AGO2: variants seen among roughly 807,000 people sequenced by gnomAD.
The protein encoded by AGO2 is argonaute RISC catalytic component 2, also known as protein argonaute-2.
Under a neutral mutation model 102.3 loss-of-function variants are expected in AGO2, and 5 were observed. The ratio of observed to expected loss-of-function variants is 0.05; its 90% CI spans 0.03 to 0.10. The LOEUF is 0.10. Ranked by LOEUF, AGO2 falls within the 10% of genes least tolerant of loss-of-function variation. AGO2 has a pLI of 1.00. For synonymous variants in AGO2, 449 were observed against 473.1 expected (o/e 0.95, Z 0.66); for missense variants, 541 against 1,183.7 (o/e 0.46, Z 7.97).
chr8:140,639,650 G>A (rs1367912199), upstream of AGO2, among the ~76,000 whole-genome samples: 1 of 152,158 alleles, frequency 6.6e-6, no homozygotes, highest in East Asian at 1.9e-4. Context: ...GCACACATCT[G>A]TAGTCCCAGC....
At chr8:140,611,358 C>A (rs539061858) in intron 1 of AGO2, among the ~76,000 whole-genome samples, 13 of 151,070 alleles carry the variant, frequency 8.6e-5, no homozygotes, top group African/African-American at 3.2e-4. Context: ...TATGGAGACT[C>A]GCTCTGTTGC....
At position 140,540,996 on chromosome 8, in the gene AGO2, C is replaced by G. The variant is rs891508193; in HGVS notation, c.2034+168G>C. On this transcript the variant is annotated intron_variant, in intron 15 of 18. Transcript: ENST00000220592. The surrounding 1 kb of genome is among the most constrained non-coding windows in gnomAD (Gnocchi z 5.0). ...TCATGTGTTAGGGTCTCGACAGCCC[C>G]GTGTCCCATCTCCTCCCCTGGACCC... 2.0e-5 allele frequency among the ~76,000 whole-genome samples: 3 copies of G among 152,166 alleles called. No homozygotes were observed. Among genetic ancestry groups the G allele is most frequent in the African/African-American group, 7.2e-5 (3 of 41,440 alleles).
In AGO2 at chr8:140,607,986, C is replaced by A. The variant is rs575972896; in HGVS notation, c.23-22675G>T. The stretch of plus-strand genomic sequence containing the variant: ...CAATAATCAATGAATCTGCTCAGCA[C>A]TGAGCTCCTTTATGCTCCCCCTGGA... On this transcript the variant is annotated intron_variant, in intron 1 of 18. Transcript: ENST00000220592. Among the ~76,000 whole-genome samples, 10 of 152,340 alleles carry A rather than the reference C, an allele frequency of 6.6e-5. No individual in the cohort carries two copies. In the South Asian group the frequency reaches 2.1e-3, roughly 32 times the overall value.
rs1053018290 is a variant in AGO2 at position 140,585,295 on chromosome 8, C to G, written c.39G>C (p.Ala13=). ...CATATCCTTGGATGGGGGGCGGCGG[C>G]GCAGGAGGTGCAAGTGCTGGAATGG... is the stretch of plus-strand genomic sequence containing the variant. ...SGAGPALAPP[A]PPPPIQGYAF... The change falls in exon 2 of 19, where the codon GCG becomes GCC. Residue 13 remains alanine, a synonymous_variant. Coordinates refer to ENST00000220592, the MANE Select transcript of AGO2 (RefSeq NM_012154.5). 6.2e-7 allele frequency: 1 copy of G among 1,613,582 alleles called. No individual in the cohort carries two copies. The highest frequency in any genetic ancestry group is 1.1e-5 in the South Asian group (1 of 91,034).
chr8:140,534,295 A>C lies in AGO2; in HGVS notation c.2271+1173T>G, dbSNP rs148984605. ...CCCCCGTTAGAAAGATTTTGGGTAG[A>C]AAGTTCAGGGAGAAGAGTTTGCCCA... On this transcript the variant is annotated intron_variant, in intron 17 of 18. Coordinates refer to ENST00000220592, the MANE Select transcript of AGO2 (RefSeq NM_012154.5). Among the ~76,000 whole-genome samples, 92 of 152,326 alleles carry C rather than the reference A, an allele frequency of 6.0e-4. 1 individual carries two copies. The highest frequency in any genetic ancestry group is 2.1e-3 in the African/African-American group (88 of 41,568).
At chr8:140,537,171 C>T (rs1294618999) in intron 16 of AGO2, among the ~76,000 whole-genome samples, 2 of 152,078 alleles carry the variant, frequency 1.3e-5, no homozygotes, top group Non-Finnish European at 2.9e-5. Flanking sequence ...TGGCTTGAGA[C>T]TGAAGTTTGG....
In AGO2 at chr8:140,557,278, G is replaced by A; in HGVS notation, c.879-42C>T. ...CTGTTCAGGCCGAGGGCATCCCGGAGCCCCTTCCCCTGCGCTGCTTTTCAT... is the reference window on the plus strand; with the variant it reads ...CTGTTCAGGCCGAGGGCATCCCGGAACCCCTTCCCCTGCGCTGCTTTTCAT... On this transcript the variant is annotated intron_variant, in intron 7 of 18. Transcript: ENST00000220592. The surrounding 1 kb of genome is among the most constrained non-coding windows in gnomAD (Gnocchi z 5.9). The A allele has an allele frequency of 1.3e-6, 2 of 1,575,180 alleles. No homozygotes were observed. Among genetic ancestry groups the A allele is most frequent in the Non-Finnish European group, 8.6e-7 (1 of 1,159,236 alleles).
Position 140,589,807 on chromosome 8 carries a change from G to A in AGO2, c.23-4496C>T, listed in dbSNP as rs567258755. On this transcript the variant is annotated intron_variant, in intron 1 of 18. Transcript: ENST00000220592. The surrounding 1 kb of genome is among the most constrained non-coding windows in gnomAD (Gnocchi z 4.2). ...GAGATCCGTGCCATCAGCACGAGCC[G>A]CAGAACAGGACGGAGTGATGGCTCA... 3.9e-4 allele frequency among the ~76,000 whole-genome samples: 60 copies of A among 151,950 alleles called. 1 individual carries two copies. Among genetic ancestry groups the A allele is most frequent in the Non-Finnish European group, 1.3e-4 (9 of 67,984 alleles).
intron 17 of AGO2, 94 bp downstream of exon 17, chr8:140,535,374 T>A (rs2072678597): frequency 1.2e-4 from 146 of 1,180,976 alleles, no homozygotes; most frequent in East Asian, 2.7e-4. Context: ...TCACACCACA[T>A]CCCACGTGCC....
At chr8:140,606,724 G>A (rs1436138540) in intron 1 of AGO2, among the ~76,000 whole-genome samples, 1 of 152,046 alleles carries the variant, frequency 6.6e-6, no homozygotes, top group Non-Finnish European at 1.5e-5. Context: ...ATCACCCGAG[G>A]TCAGGAGTTG....
chr8:140,617,727 T>C (rs2074159418), intron 1 of AGO2, among the ~76,000 whole-genome samples: 1 of 152,134 alleles, frequency 6.6e-6, no homozygotes, highest in Non-Finnish European at 1.5e-5. Flanking sequence ...ACTTTAAAAA[T>C]TGTTGGATGC....
chr8:140,538,228 C>T (rs1242169520), intron 16 of AGO2, among the ~76,000 whole-genome samples: 1 of 152,220 alleles, frequency 6.6e-6, no homozygotes, highest in Non-Finnish European at 1.5e-5. Context: ...TGTCCTTGCA[C>T]AGCCGTGCCT....
chr8:140,552,409 C>G (rs962032976), intron 10 of AGO2, among the ~76,000 whole-genome samples: 15 of 152,174 alleles, frequency 9.9e-5, no homozygotes, highest in Non-Finnish European at 1.8e-4. Flanking sequence ...GGAAGGGTCC[C>G]GTGTGGGAGG....
At chr8:140,605,418 T>TA (rs1391275634) in intron 1 of AGO2, among the ~76,000 whole-genome samples, 1 of 151,908 alleles carries the variant, frequency 6.6e-6, no homozygotes, top group Non-Finnish European at 1.5e-5. Context: ...TTCTAAAGCT[T>TA]AAAAAAAATA....
At chr8:140,559,642 C>T (rs1471637110) in intron 5 of AGO2, 113 bp from the exon 6 acceptor site, 19 of 1,414,582 alleles carry the variant, frequency 1.3e-5, no homozygotes, top group Non-Finnish European at 1.4e-5. Flanking sequence ...GACACCCGGC[C>T]GGGGTTCTCA....
chr8:140,537,033 T>A (rs2072710606), intron 16 of AGO2, among the ~76,000 whole-genome samples: 1 of 152,238 alleles, frequency 6.6e-6, no homozygotes, highest in Non-Finnish European at 1.5e-5. Context: ...CTGAGTACTT[T>A]GTGATTTCTA....
Position 140,607,515 on chromosome 8 carries a change from TAC to T in AGO2, c.23-22206_23-22205del, listed in dbSNP as rs1159722896. 5.8e-4 allele frequency among the ~76,000 whole-genome samples: 11 copies of T among 18,922 alleles called. 1 individual carries two copies. Among genetic ancestry groups the T allele is most frequent in the South Asian group, 1.5e-3 (1 of 656 alleles). The allele number at this position is 18,922 out of a possible 152,430, so 12.4% of individuals were successfully genotyped here. A position where few individuals can be genotyped will look rare whatever the true frequency, so the allele number is the denominator to read the frequency against. On this transcript the variant is annotated intron_variant, in intron 1 of 18. Transcript: ENST00000220592. ...ATATATATATATATATATATATATA[TAC>T]ACACACACACACGTATGGAAAAAAA...
chr8:140,616,227 C>T (rs1163215124), intron 1 of AGO2, among the ~76,000 whole-genome samples: 1 of 152,226 alleles, frequency 6.6e-6, no homozygotes, highest in African/African-American at 2.4e-5. Flanking sequence ...CACAAACTTA[C>T]TGAAGCATCA....
intron 1 of AGO2, among the ~76,000 whole-genome samples, chr8:140,600,780 C>T (rs2073922468): frequency 6.6e-6 from 1 of 152,016 alleles, no homozygotes; most frequent in Non-Finnish European, 1.5e-5. Flanking sequence ...GCGCCACGTC[C>T]GTCCTATGTC....
Sources: gnomAD v4.1 joint callset for allele counts (sites outside exome capture counted in the v4.1 genomes callset) on GRCh38, gnomAD v4.1.1 for gene constraint, Gnocchi (gnomAD v3.1) non-coding constraint, MANE v1.5 for transcripts, NCBI Gene and HGNC (gene_info 2026-07-23, HGNC 2026-07-21) for gene names.